The following COPA variants were observed in gnomAD, a reference collection of about 807,000 sequenced individuals.
COPA encodes the protein coat protein complex I subunit alpha, also known as coatomer subunit alpha.
Under a neutral mutation model 158.7 loss-of-function variants are expected in COPA, and 10 were observed. The ratio of observed to expected loss-of-function variants is 0.06; its 90% confidence interval spans 0.04 to 0.11. The LOEUF is 0.11. Among genes scored for constraint, COPA ranks in the 10% least tolerant of loss-of-function variants. The pLI, the probability that COPA is intolerant of heterozygous loss-of-function variation, is 1.00. For missense variants in COPA, 1,065 were observed against 1,536.7 expected (o/e 0.69, Z 5.13); for synonymous variants, 462 against 542.8 (o/e 0.85, Z 2.07).
intron 13 of COPA, 87 bp downstream of exon 13, chr1:160,309,014 G>T: frequency 9.4e-7 from 1 of 1,059,416 alleles, no homozygotes; most frequent in Non-Finnish European, 1.5e-6. Flanking sequence ...CATGGCTTGG[G>T]GATGGAATGT....
chr1:160,310,330 C>T (rs1340757343), intron 11 of COPA, 72 bp from the exon 12 acceptor site: 3 of 840,774 alleles, frequency 3.6e-6, no homozygotes, highest in South Asian at 1.7e-5. Context: ...GGAATCACCC[C>T]CACACCTCCT....
Position 160,323,505 on chromosome 1 carries a change from G to C in COPA, c.632C>G (p.Ala211Gly). The change falls in exon 8 of 33, where the codon GCT becomes GGT. Residue 211 changes from alanine to glycine, a missense_variant. Ala to Gly is a moderately conservative substitution (Grantham distance 60, BLOSUM62 0). This residue lies in a region of COPA where 980 missense variants were observed against 1,357.8 expected (regional missense o/e 0.72). Coordinates refer to ENST00000241704, the MANE Select transcript of COPA (RefSeq NM_004371.4). ...AAGGGGCATAGTGGGGTGGAAGGCA[G>C]CCCAGTTTACTCCACGATCGTGACC... ...LEGHDRGVNW[A>G]AFHPTMPLIV... is the part of the protein sequence containing the mutation. The C allele has an allele frequency of 6.2e-7, 1 of 1,610,470 alleles. No individual in the cohort carries two copies. Among genetic ancestry groups the C allele is most frequent in the South Asian group, 1.1e-5 (1 of 90,524 alleles).
chr1:160,313,091 C>T lies in COPA; in HGVS notation c.919G>A (p.Ala307Thr), dbSNP rs199749855. ...LAAHPNLNLFAAGHDGGMIVF... is the reference protein window; with the variant it reads ...LAAHPNLNLFTAGHDGGMIVF... ...GAGAGAAAATGGCCCTTACCTGCTG[C>T]AAAGAGGTTAAGGTTAGGGTGAGCA... The change falls in exon 10 of 33, where the codon GCA becomes ACA. Residue 307 changes from alanine (A) to threonine (T), a missense_variant. Physicochemically the swap from Ala to Thr is moderately conservative, Grantham distance 58. Around this residue, in one of 2 missense-constraint regions of COPA, gnomAD observed 980 missense variants for 1,357.8 expected, o/e 0.72. Transcript: ENST00000241704. The T allele has an allele frequency of 6.2e-7, 1 of 1,613,810 alleles. No homozygotes were observed. The highest frequency in any genetic ancestry group is 8.5e-7 in the Non-Finnish European group (1 of 1,179,834).
rs549258233 is a variant in COPA at position 160,322,988 on chromosome 1, T to TGC, written c.706+441_706+442dup. Among the ~76,000 whole-genome samples the TGC allele has an allele frequency of 2.5e-3, 336 of 132,956 alleles. 3 individuals are homozygous for TGC. The highest frequency in any genetic ancestry group is 0.025 in the East Asian group (123 of 4,876). 87.2% of individuals were successfully genotyped at this position (132,956 alleles called of 152,430 possible). On this transcript the variant is annotated intron_variant, in intron 8 of 32. Coordinates refer to ENST00000241704, the MANE Select transcript of COPA (RefSeq NM_004371.4). ...ATAAAGAAAATTACATACGCGCACG[T>TGC]GCACACACACACACACACACACACA...
chr1:160,333,806 C>T (rs139608407), intron 4 of COPA, 127 bp from the exon 5 acceptor site: 1 of 625,410 alleles, frequency 1.6e-6, no homozygotes, highest in African/African-American at 1.9e-5. Flanking sequence ...GGGGCTGCTG[C>T]TTTTGCTATC....
intron 7 of COPA, 75 bp from the exon 8 acceptor site, chr1:160,323,605 G>C (rs567339476): frequency 1.7e-6 from 2 of 1,150,512 alleles, no homozygotes; most frequent in Admixed American, 5.2e-5. Context: ...CAAGCTACTC[G>C]TTGTAAAAAA....
At chr1:160,322,989 GCACACACA>G (rs112126446) in intron 8 of COPA, among the ~76,000 whole-genome samples, 3 of 145,318 alleles carry the variant, frequency 2.1e-5, no homozygotes, top group Admixed American at 6.9e-5. Flanking sequence ...ACGCGCACGT[GCACACACA>G]CACACACACA....
At chr1:160,292,372 T>C (rs1224818313) in intron 28 of COPA, 112 bp downstream of exon 28, 4 of 1,582,584 alleles carry the variant, frequency 2.5e-6, no homozygotes, top group Non-Finnish European at 1.7e-6. Flanking sequence ...AAAGATCTTT[T>C]TCTACTGGGA....
chr1:160,292,379 G>A (rs2101821264), intron 28 of COPA, 105 bp downstream of exon 28: 1 of 1,586,464 alleles, frequency 6.3e-7, no homozygotes, highest in Admixed American at 2.0e-5. Flanking sequence ...TTTTTCTACT[G>A]GGAAACCCTA....
Position 160,299,240 on chromosome 1 carries a change from C to T in COPA, c.1692G>A (p.Leu564=). ...TTGDHGIIRT[L]DLPIYVTRVK... is the part of the protein sequence containing the mutation. ...CCCGTGTGACATAGATGGGTAAATC[C>T]AGAGTTCGAATGATCCCGTGGTCCC... The change falls in exon 18 of 33, where the codon CTG becomes CTA. Residue 564 remains leucine, a synonymous_variant. Transcript: ENST00000241704. 6.2e-7 allele frequency: 1 copy of T among 1,613,700 alleles called. No individual in the cohort carries two copies. The highest frequency in any genetic ancestry group is 8.5e-7 in the Non-Finnish European group (1 of 1,179,674).
chr1:160,305,115 G>A, intron 17 of COPA: 1 of 201,552 alleles, frequency 5.0e-6, no homozygotes, highest in Non-Finnish European at 1.0e-5. Context: ...AAACAGGGAG[G>A]GTTGTGACCA....
Position 160,291,921 on chromosome 1 carries a change from C to G in COPA, c.3156G>C (p.Gln1052His). ...TGTACTCACGGCAAATGGTGATGAG[C>G]TGCTGGGCCTGTAGAGGGGGCAGAA... Reference protein sequence around the residue: ...DNKQEIAEAQQLITICREYIV... With the variant: ...DNKQEIAEAQHLITICREYIV... Residue 1052 changes from glutamine (Q) to histidine (H), a missense_variant, in exon 30 of 33, where the codon CAG becomes CAC. Around this residue, in one of 2 missense-constraint regions of COPA, gnomAD observed 980 missense variants for 1,357.8 expected, o/e 0.72. Coordinates refer to ENST00000241704, the MANE Select transcript of COPA (RefSeq NM_004371.4). 6.2e-7 allele frequency: 1 copy of G among 1,614,156 alleles called. No homozygotes were observed. The highest frequency in any genetic ancestry group is 1.1e-5 in the South Asian group (1 of 91,074).
chr1:160,290,309 G>A (rs566002988), intron 32 of COPA, 93 bp from the exon 33 acceptor site: 2 of 1,460,540 alleles, frequency 1.4e-6, no homozygotes, highest in East Asian at 4.5e-5. Flanking sequence ...GGGCACAGTA[G>A]ACAGGTATTG....
intron 8 of COPA, among the ~76,000 whole-genome samples, chr1:160,323,106 A>G (rs967919273): frequency 6.6e-6 from 1 of 152,152 alleles, no homozygotes; most frequent in Non-Finnish European, 1.5e-5. Flanking sequence ...TTAAGGGAAG[A>G]ACAAAGAGAC....
chr1:160,330,334 C>G (rs1647448373), intron 6 of COPA, among the ~76,000 whole-genome samples: 1 of 152,192 alleles, frequency 6.6e-6, no homozygotes, highest in African/African-American at 2.4e-5. Flanking sequence ...GTGCCTGTGT[C>G]TAGCTCCTCC....
At chr1:160,318,492 CAAAAAA>C (rs1184111001) in intron 8 of COPA, among the ~76,000 whole-genome samples, 1 of 58,078 alleles carries the variant, frequency 1.7e-5, no homozygotes, top group African/African-American at 1.0e-4. Flanking sequence ...AAAAAAAAAA[CAAAAAA>C]AAAAAAAAAA....
At chr1:160,322,887 C>T (rs1297298767) in intron 8 of COPA, among the ~76,000 whole-genome samples, 1 of 152,088 alleles carries the variant, frequency 6.6e-6, no homozygotes, top group East Asian at 1.9e-4. Context: ...GTATCTGCAT[C>T]CCCATGTTTG....
At chr1:160,307,063 C>A in intron 14 of COPA, 100 bp downstream of exon 14, 1 of 1,174,006 alleles carries the variant, frequency 8.5e-7, no homozygotes, top group Non-Finnish European at 1.3e-6. Context: ...ATCACGGCTG[C>A]CCGGGGGAGA....
intron 31 of COPA, 50 bp from the exon 32 acceptor site, chr1:160,290,736 C>T: frequency 6.4e-7 from 1 of 1,550,948 alleles, no homozygotes; most frequent in South Asian, 1.1e-5. Context: ...CAGACAACAC[C>T]TCAAAGGATC....
Sources: gnomAD v4.1 joint callset for allele counts (sites outside exome capture counted in the v4.1 genomes callset) on GRCh38, gnomAD v4.1.1 for gene constraint, gnomAD v4.1.1 regional missense constraint, MANE v1.5 for transcripts, NCBI Gene and HGNC (gene_info 2026-07-23, HGNC 2026-07-21) for gene names.